AFF3: variants seen among roughly 807,000 people sequenced by gnomAD.
The protein encoded by AFF3 is AF4/FMR2 family member 3.
Under a neutral mutation model 129.7 loss-of-function variants are expected in AFF3, and 32 were observed. That is an observed-to-expected ratio of 0.25 (90% CI 0.19 to 0.33). The LOEUF is 0.33. AFF3 is among the 10% of genes least tolerant of loss of function. The pLI is 1.00. For synonymous variants in AFF3, 644 were observed against 635.4 expected (o/e 1.01, Z -0.20); for missense variants, 1,373 against 1,592.0 (o/e 0.86, Z 2.34).
Position 100,104,523 on chromosome 2 carries a change from A to C in AFF3, c.-64-5T>G. 1 of 1,243,984 alleles carries C rather than the reference A, an allele frequency of 8.0e-7. No individual in the cohort carries two copies. Among genetic ancestry groups the C allele is most frequent in the Non-Finnish European group, 1.0e-6 (1 of 970,854 alleles). The allele number at this position is 1,243,984 out of a possible 1,614,324, so 77.1% of individuals were successfully genotyped here. On this transcript the variant is annotated splice_polypyrimidine_tract_variant and splice_region_variant and intron_variant, in intron 3 of 24. Transcript: ENST00000672756. ...GAGGCTCGGGCCGCCCGCGCGCTGC[A>C]ACGAAAGGCGCCGCTCAAGGTGCAT... is the stretch of plus-strand genomic sequence containing the variant.
chr2:99,993,235 G>C (rs1344845120), intron 7 of AFF3, among the ~76,000 whole-genome samples: 1 of 152,170 alleles, frequency 6.6e-6, no homozygotes, highest in Non-Finnish European at 1.5e-5. Flanking sequence ...TAATTAATAT[G>C]TAACGGAGAT....
At chr2:100,120,693 C>A (rs1691927826) in intron 2 of AFF3, among the ~76,000 whole-genome samples, 1 of 152,136 alleles carries the variant, frequency 6.6e-6, no homozygotes, top group Non-Finnish European at 1.5e-5. Context: ...TTGGGCCTAG[C>A]TCCATCACCC....
At chr2:100,095,913 C>T (rs1395980082) in intron 4 of AFF3, among the ~76,000 whole-genome samples, 1 of 152,136 alleles carries the variant, frequency 6.6e-6, no homozygotes, top group Non-Finnish European at 1.5e-5. Flanking sequence ...GAAGGTTGGC[C>T]GAGCGGGGAT....
At chr2:100,047,858 G>A (rs1302812609) in intron 4 of AFF3, among the ~76,000 whole-genome samples, 2 of 152,152 alleles carry the variant, frequency 1.3e-5, no homozygotes, top group South Asian at 4.1e-4. Flanking sequence ...TTTATTTGCA[G>A]AAACAAACAC....
chr2:99,940,424 G>A (rs1051985021), intron 7 of AFF3, among the ~76,000 whole-genome samples: 1 of 152,150 alleles, frequency 6.6e-6, no homozygotes, highest in African/African-American at 2.4e-5. Flanking sequence ...AGAGACAGGA[G>A]GTCAGCACAA....
chr2:99,789,498 T>C (rs1321611917), intron 8 of AFF3, among the ~76,000 whole-genome samples: 1 of 149,060 alleles, frequency 6.7e-6, no homozygotes, highest in African/African-American at 2.5e-5. Context: ...CCACTGGTTC[T>C]GCCTTCTTTT....
At chr2:99,989,109 CAG>C (rs1468670147) in intron 7 of AFF3, among the ~76,000 whole-genome samples, 1 of 152,186 alleles carries the variant, frequency 6.6e-6, no homozygotes, top group Non-Finnish European at 1.5e-5. Flanking sequence ...CTTTAACTAA[CAG>C]AATTACAGAG....
chr2:99,587,374 GCCCCACTCACCTGGCTTCCCC>G, intron 15 of AFF3, 96 bp from the exon 16 acceptor site: 1 of 1,473,290 alleles, frequency 6.8e-7, no homozygotes, highest in Non-Finnish European at 9.2e-7. Flanking sequence ...CCTCCTGGGA[GCCCCACTCACCTGGCTTCCCC>G]GAAGCACAGC....
At chr2:99,905,354 C>T (rs942639898) in intron 7 of AFF3, among the ~76,000 whole-genome samples, 4 of 152,182 alleles carry the variant, frequency 2.6e-5, no homozygotes, top group African/African-American at 9.7e-5. Flanking sequence ...GTCATGGTGA[C>T]CATCAACACA....
chr2:99,909,006 T>C (rs1032613977), intron 7 of AFF3, among the ~76,000 whole-genome samples: 8 of 152,150 alleles, frequency 5.3e-5, no homozygotes, highest in Non-Finnish European at 1.0e-4. Context: ...CAAAGGATTA[T>C]AAATCATGCT....
intron 4 of AFF3, among the ~76,000 whole-genome samples, chr2:100,026,701 A>G (rs928682800): frequency 7.6e-6 from 1 of 132,224 alleles, no homozygotes; most frequent in African/African-American, 2.9e-5. Flanking sequence ...ATATATATAA[A>G]TAAATATATA....
At chr2:99,887,310 G>A (rs1301231532) in intron 7 of AFF3, among the ~76,000 whole-genome samples, 1 of 152,122 alleles carries the variant, frequency 6.6e-6, no homozygotes, top group Non-Finnish European at 1.5e-5. Context: ...ATTTGTTTTT[G>A]GAAACACAAA....
intron 7 of AFF3, among the ~76,000 whole-genome samples, chr2:99,868,408 C>G (rs906153200): frequency 2.0e-5 from 3 of 151,968 alleles, no homozygotes; most frequent in Non-Finnish European, 4.4e-5. Flanking sequence ...AACATCAGGC[C>G]GGGAGGGGAG....
At chr2:99,630,379 T>G (rs1386979114) in intron 13 of AFF3, among the ~76,000 whole-genome samples, 3 of 152,154 alleles carry the variant, frequency 2.0e-5, no homozygotes, top group African/African-American at 7.2e-5. Context: ...GGATACAGTC[T>G]TTACTGCTTC....
chr2:99,732,895 G>C (rs1047844095), intron 10 of AFF3, among the ~76,000 whole-genome samples: 1 of 75,386 alleles, frequency 1.3e-5, no homozygotes, highest in African/African-American at 3.5e-5. Flanking sequence ...TAATAATGTA[G>C]AATATAATTT....
chr2:99,582,866 T>G lies in AFF3; in HGVS notation c.2725A>C (p.Thr909Pro). 1.2e-6 allele frequency: 2 copies of G among 1,614,218 alleles called. No individual in the cohort carries two copies. The highest frequency in any genetic ancestry group is 1.7e-6 in the Non-Finnish European group (2 of 1,180,048). The change falls in exon 17 of 25, where the codon ACT (threonine) becomes CCT (proline). Residue 909 changes from threonine (T) to proline (P), a missense_variant. Thr to Pro is a conservative substitution (Grantham distance 38). Transcript: ENST00000672756. ...GGCTTTTTGCTGGAAGAGGCTGAAGTAAACAAACTGTTGCCATTAGGTCGG... is the reference window on the plus strand; with the variant it reads ...GGCTTTTTGCTGGAAGAGGCTGAAGGAAACAAACTGTTGCCATTAGGTCGG... ...SSRPNGNSLFTSASSSKKPKA... is the reference protein window; with the variant it reads ...SSRPNGNSLFPSASSSKKPKA...
At chr2:99,740,953 T>C (rs1365700714) in intron 10 of AFF3, among the ~76,000 whole-genome samples, 1 of 152,236 alleles carries the variant, frequency 6.6e-6, no homozygotes, top group African/African-American at 2.4e-5. Flanking sequence ...TTTAAGTCTT[T>C]AATCCATCTT....
chr2:99,951,029 TC>T (rs778190823), intron 7 of AFF3, among the ~76,000 whole-genome samples: 9 of 152,232 alleles, frequency 5.9e-5, no homozygotes, highest in Admixed American at 4.6e-4. Context: ...AGTTCTATAC[TC>T]AATAGTGAAA....
At chr2:99,554,836 A>G in intron 22 of AFF3, 104 bp from the exon 23 acceptor site, 1 of 1,365,070 alleles carries the variant, frequency 7.3e-7, no homozygotes, top group Admixed American at 1.9e-5. Context: ...AAAGGCAGAC[A>G]CTGCAGGAAA....
Sources: allele counts gnomAD v4.1 joint callset (sites outside exome capture counted in the v4.1 genomes callset), GRCh38; gene constraint gnomAD v4.1.1; transcripts MANE v1.5; gene names NCBI Gene and HGNC (gene_info 2026-07-23, HGNC 2026-07-21).